Variants in CACNG2 observed in about 807,000 individuals in gnomAD.
The protein encoded by CACNG2 is calcium voltage-gated channel auxiliary subunit gamma 2.
A neutral mutation model predicts 25.9 loss-of-function variants in CACNG2; 3 were observed. That is an observed-to-expected ratio of 0.12 (90% confidence interval 0.05 to 0.30). The LOEUF (loss-of-function observed/expected upper bound fraction) is 0.30, where lower values mean the gene tolerates loss of function less well. Ranked by LOEUF, CACNG2 falls within the 10% of genes least tolerant of loss-of-function variation. The pLI, the probability that CACNG2 is intolerant of heterozygous loss-of-function variation, is 1.00. For synonymous variants in CACNG2, 167 were observed against 173.3 expected (o/e 0.96, Z 0.29); for missense variants, 341 against 432.5 (o/e 0.79, Z 1.88).
intron 2 of CACNG2, chr22:36,585,518 G>A (rs1935487641): frequency 1.3e-5 from 2 of 152,178 alleles, no homozygotes. Context: ...ACCAAATGAA[G>A]CCTGCTGCCT....
At chr22:36,621,238 G>A (rs1026468491) in intron 1 of CACNG2, among the ~76,000 whole-genome samples, 1 of 152,132 alleles carries the variant, frequency 6.6e-6, no homozygotes, top group South Asian at 2.1e-4. Context: ...CCGGGTGCGG[G>A]GGCTCACGCC....
intron 1 of CACNG2, among the ~76,000 whole-genome samples, chr22:36,676,482 T>C (rs866506401): frequency 2.2e-4 from 33 of 152,224 alleles, no homozygotes; most frequent in African/African-American, 5.3e-4. Flanking sequence ...AAATGAGAAA[T>C]AGGAGGCTCA....
At chr22:36,633,878 G>A (rs1465500686) in intron 1 of CACNG2, among the ~76,000 whole-genome samples, 2 of 152,078 alleles carry the variant, frequency 1.3e-5, no homozygotes, top group East Asian at 3.9e-4. Context: ...AGTCGGTTTC[G>A]GTGGATCTGT....
intron 1 of CACNG2, among the ~76,000 whole-genome samples, chr22:36,681,539 T>C (rs1181395801): frequency 1.3e-5 from 1 of 79,076 alleles, no homozygotes; most frequent in East Asian, 3.1e-4. Context: ...CAGAATTAAA[T>C]CCATTTTTTG....
intron 1 of CACNG2, among the ~76,000 whole-genome samples, chr22:36,659,682 G>T (rs1254748942): frequency 2.0e-5 from 3 of 151,928 alleles, no homozygotes; most frequent in Non-Finnish European, 4.4e-5. Context: ...ATGGTGCGGG[G>T]ACACAGGCAC....
intron 1 of CACNG2, among the ~76,000 whole-genome samples, chr22:36,605,918 T>A (rs1935824338): frequency 6.6e-6 from 1 of 152,098 alleles, no homozygotes; most frequent in Non-Finnish European, 1.5e-5. Context: ...AACCCCAGAG[T>A]CCCTGGAGTA....
intron 1 of CACNG2, among the ~76,000 whole-genome samples, chr22:36,682,849 C>T (rs889031686): frequency 8.5e-5 from 13 of 152,098 alleles, no homozygotes; most frequent in Admixed American, 2.0e-4. Flanking sequence ...CAAATCTTCC[C>T]GGCATGGACG....
At chr22:36,698,138 T>A (rs1262900770) in intron 1 of CACNG2, among the ~76,000 whole-genome samples, 1 of 152,000 alleles carries the variant, frequency 6.6e-6, no homozygotes, top group Non-Finnish European at 1.5e-5. Flanking sequence ...CCCCCTTCTC[T>A]CCCTCTCTCC....
chr22:36,696,850 T>C (rs1257803037), intron 1 of CACNG2, among the ~76,000 whole-genome samples: 1 of 152,194 alleles, frequency 6.6e-6, no homozygotes, highest in Admixed American at 6.5e-5. Flanking sequence ...GAGGAGATTA[T>C]GCCTCCTTTT....
intron 1 of CACNG2, among the ~76,000 whole-genome samples, chr22:36,593,894 G>C (rs1032615773): frequency 6.6e-6 from 1 of 151,654 alleles, no homozygotes; most frequent in Non-Finnish European, 1.5e-5. Context: ...GAGGGGAGGG[G>C]GCACTAGCAG....
At chr22:36,643,134 C>T (rs917522689) in intron 1 of CACNG2, among the ~76,000 whole-genome samples, 4 of 148,042 alleles carry the variant, frequency 2.7e-5, no homozygotes, top group African/African-American at 1.0e-4. Flanking sequence ...TTCTCTTTCT[C>T]TCTCTCTCCT....
Position 36,566,718 on chromosome 22 carries a change from C to T in CACNG2, c.296-225G>A, listed in dbSNP as rs183494174. Among the ~76,000 whole-genome samples the T allele has an allele frequency of 4.8e-3, 729 of 152,340 alleles. 6 individuals carry two copies. Among genetic ancestry groups the T allele is most frequent in the South Asian group, 0.016 (77 of 4,832 alleles). On this transcript the variant is annotated intron_variant, in intron 2 of 3. Transcript: ENST00000300105. ...CTGCCTCCAGGGCCAAACTCCAGCACACCGTCAGGCACACAGGGCCCTGTG... is the reference window on the plus strand; with the variant it reads ...CTGCCTCCAGGGCCAAACTCCAGCATACCGTCAGGCACACAGGGCCCTGTG...
At chr22:36,621,366 T>C (rs527819839) in intron 1 of CACNG2, among the ~76,000 whole-genome samples, 220 of 152,186 alleles carry the variant, frequency 1.4e-3, no homozygotes, top group African/African-American at 5.1e-3. Flanking sequence ...AAATTTGAGT[T>C]TGAGACCAAC....
At chr22:36,591,068 G>A (rs1297834222) in intron 1 of CACNG2, among the ~76,000 whole-genome samples, 1 of 151,260 alleles carries the variant, frequency 6.6e-6, no homozygotes, top group Non-Finnish European at 1.5e-5. Context: ...ACGGTGTCTT[G>A]CTCTGTCACC....
intron 2 of CACNG2, among the ~76,000 whole-genome samples, 157 bp from the exon 3 acceptor site, chr22:36,566,650 G>T (rs1293390923): frequency 1.3e-5 from 2 of 152,132 alleles, no homozygotes; most frequent in Non-Finnish European, 2.9e-5. Context: ...GAGAGACAGC[G>T]AGCAGGCCAC....
At chr22:36,583,801 G>A (rs758571729) in intron 2 of CACNG2, among the ~76,000 whole-genome samples, 15 of 151,958 alleles carry the variant, frequency 9.9e-5, no homozygotes, top group South Asian at 2.1e-4. Context: ...TGTCTAAATC[G>A]GTCATTCCCA....
chr22:36,605,739 C>G (rs572906734), intron 1 of CACNG2, among the ~76,000 whole-genome samples: 1 of 152,168 alleles, frequency 6.6e-6, no homozygotes, highest in Admixed American at 6.5e-5. Flanking sequence ...CTGGGCCCCA[C>G]GGTCGGGGCA....
At chr22:36,573,845 A>G (rs1472753326) in intron 2 of CACNG2, among the ~76,000 whole-genome samples, 1 of 152,186 alleles carries the variant, frequency 6.6e-6, no homozygotes, top group African/African-American at 2.4e-5. Flanking sequence ...TCCCTGAGGA[A>G]GTGGTGGTAG....
intron 1 of CACNG2, among the ~76,000 whole-genome samples, chr22:36,645,251 T>C (rs1400998617): frequency 6.6e-6 from 1 of 152,110 alleles, no homozygotes; most frequent in Non-Finnish European, 1.5e-5. Context: ...CGAGAAATTC[T>C]CCAGGGAAAG....
Sources: gnomAD v4.1 joint callset for allele counts (sites outside exome capture counted in the v4.1 genomes callset) on GRCh38, gnomAD v4.1.1 for gene constraint, MANE v1.5 for transcripts, NCBI Gene and HGNC (gene_info 2026-07-23, HGNC 2026-07-21) for gene names.